Variants in RASAL2 observed in about 807,000 individuals in gnomAD.
RASAL2 encodes RAS protein activator like 2.
In RASAL2, 58 loss-of-function variants were observed where a neutral mutation model predicts 128.9. The ratio of observed to expected loss-of-function variants is 0.45; its 90% CI spans 0.36 to 0.56. The LOEUF is 0.56. RASAL2 is among the 20% of genes least tolerant of loss of function. RASAL2 has a pLI of 0.00. For missense variants in RASAL2, 1,360 were observed against 1,601.6 expected, an observed-to-expected ratio of 0.85 and a Z score of 2.57; for synonymous variants, 561 against 580.8, an observed-to-expected ratio of 0.97 and a Z score of 0.49.
intron 1 of RASAL2, among the ~76,000 whole-genome samples, chr1:178,157,733 G>T (rs755677874): frequency 6.6e-6 from 1 of 152,062 alleles, no homozygotes; most frequent in African/African-American, 2.4e-5. Flanking sequence ...TTAGACTTGC[G>T]TACATTCACC....
At chr1:178,232,001 C>T (rs1056678624) in intron 1 of RASAL2, among the ~76,000 whole-genome samples, 6 of 152,258 alleles carry the variant, frequency 3.9e-5, no homozygotes, top group South Asian at 2.1e-4. Context: ...GTTTTCGTTA[C>T]GATTTCGACC....
intron 1 of RASAL2, among the ~76,000 whole-genome samples, chr1:178,128,180 C>T (rs1659968128): frequency 6.6e-6 from 1 of 152,058 alleles, no homozygotes; most frequent in Non-Finnish European, 1.5e-5. Context: ...TAAAGAATTT[C>T]TTTCCTTTAA....
intron 1 of RASAL2, among the ~76,000 whole-genome samples, chr1:178,130,855 C>A (rs1001899655): frequency 1.3e-5 from 2 of 152,018 alleles, no homozygotes; most frequent in African/African-American, 4.8e-5. Context: ...GAGATCGAGA[C>A]CATCCTGGCT....
chr1:178,269,397 G>T (rs551675907), intron 1 of RASAL2, among the ~76,000 whole-genome samples: 2 of 152,206 alleles, frequency 1.3e-5, no homozygotes, highest in South Asian at 2.1e-4. Context: ...TGTCAGACAC[G>T]TGTGAACCAG....
chr1:178,366,587 C>T, intron 3 of RASAL2, among the ~76,000 whole-genome samples: 1 of 77,058 alleles, frequency 1.3e-5, no homozygotes, highest in East Asian at 4.4e-4. Flanking sequence ...CCTCCCACCC[C>T]CCCCCGCCAA....
chr1:178,232,892 T>C, intron 1 of RASAL2, among the ~76,000 whole-genome samples: 1 of 152,200 alleles, frequency 6.6e-6, no homozygotes, highest in East Asian at 1.9e-4. Flanking sequence ...TGGTGAACAC[T>C]TAACTACTAC....
rs1442613976 is a variant in RASAL2, at chr1:178,280,376, A to G, written c.203-3188A>G. Among the ~76,000 whole-genome samples, 7 of 152,220 alleles carry G rather than the reference A, an allele frequency of 4.6e-5. No individual in the cohort carries two copies. In the East Asian group the frequency reaches 1.3e-3, roughly 29 times the overall value. On this transcript the variant is annotated intron_variant, in intron 1 of 17. Coordinates refer to ENST00000367649, the MANE Select transcript of RASAL2 (RefSeq NM_170692.4). ...TTTAATTTTTTTTGAAAACAGTTAC[A>G]TTTCATTAAAAATGTGTTACCTATG...
intron 3 of RASAL2, among the ~76,000 whole-genome samples, chr1:178,353,825 A>G (rs1472772369): frequency 1.3e-5 from 2 of 152,128 alleles, no homozygotes; most frequent in Non-Finnish European, 2.9e-5. Flanking sequence ...GAATTATACA[A>G]GGGTGTGGTG....
chr1:178,367,397 A>G (rs1220591600), intron 3 of RASAL2, among the ~76,000 whole-genome samples: 2 of 151,942 alleles, frequency 1.3e-5, no homozygotes, highest in East Asian at 1.9e-4. Flanking sequence ...CAGATTACCT[A>G]TTTCCCCTTT....
At chr1:178,366,803 A>G (rs749734695) in intron 3 of RASAL2, among the ~76,000 whole-genome samples, 1 of 152,150 alleles carries the variant, frequency 6.6e-6, no homozygotes, top group Non-Finnish European at 1.5e-5. Flanking sequence ...ACCTAAGTAA[A>G]AGAAACCAGG....
At chr1:178,397,789 A>G (rs1048488892) in intron 4 of RASAL2, among the ~76,000 whole-genome samples, 2 of 145,928 alleles carry the variant, frequency 1.4e-5, no homozygotes, top group African/African-American at 2.6e-5. Flanking sequence ...TTTTTTTTTT[A>G]ACTTTTGGAG....
chr1:178,407,759 G>A (rs1674084672), intron 4 of RASAL2, among the ~76,000 whole-genome samples: 1 of 152,208 alleles, frequency 6.6e-6, no homozygotes, highest in Admixed American at 6.5e-5. Context: ...GTGATGACAT[G>A]TTTCCCTGTC....
intron 1 of RASAL2, among the ~76,000 whole-genome samples, chr1:178,278,218 G>A (rs1318042523): frequency 2.0e-5 from 3 of 152,124 alleles, no homozygotes; most frequent in Admixed American, 1.3e-4. Context: ...TAGTGTACAT[G>A]TGGGCCCTTA....
rs185859851 is a variant in RASAL2, at chr1:178,432,007, A to G, written c.675-7415A>G. ...ATTTCTGGGTTCACAAAAACTGTTA[A>G]TGGCCTCCTTTCTATAGGAGGTTGT... is the stretch of plus-strand genomic sequence containing the variant. On this transcript the variant is annotated intron_variant, in intron 5 of 17. Transcript: ENST00000367649. Among the ~76,000 whole-genome samples, 25 of 151,470 alleles carry G rather than the reference A, an allele frequency of 1.7e-4. No individual in the cohort carries two copies. In the East Asian group the frequency reaches 4.7e-3, roughly 28 times the overall value.
At chr1:178,332,666 C>T (rs1488165760) in intron 3 of RASAL2, among the ~76,000 whole-genome samples, 1 of 146,256 alleles carries the variant, frequency 6.8e-6, no homozygotes, top group South Asian at 2.2e-4. Context: ...GGCTGGAGTG[C>T]GGTGGCGCGA....
At chr1:178,274,085 A>G (rs1342568805) in intron 1 of RASAL2, among the ~76,000 whole-genome samples, 1 of 152,218 alleles carries the variant, frequency 6.6e-6, no homozygotes, top group Non-Finnish European at 1.5e-5. Context: ...ACTTGATGCT[A>G]TAAATAGAGG....
chr1:178,150,414 G>A (rs903657744), intron 1 of RASAL2, among the ~76,000 whole-genome samples: 10 of 152,082 alleles, frequency 6.6e-5, no homozygotes, highest in African/African-American at 2.2e-4. Flanking sequence ...TCAAACTCCT[G>A]ACCTCAGGTG....
At chr1:178,355,691 G>A (rs971862454) in intron 3 of RASAL2, among the ~76,000 whole-genome samples, 12 of 152,234 alleles carry the variant, frequency 7.9e-5, no homozygotes, top group Admixed American at 7.8e-4. Context: ...AGTGCAAAAA[G>A]TCAAGCTATA....
intron 1 of RASAL2, among the ~76,000 whole-genome samples, chr1:178,123,362 C>G: frequency 6.6e-6 from 1 of 152,282 alleles, no homozygotes; most frequent in African/African-American, 2.4e-5. Flanking sequence ...AAAGCTAACA[C>G]ATAATTATAG....
Sources: allele counts gnomAD v4.1 joint callset (sites outside exome capture counted in the v4.1 genomes callset), GRCh38; gene constraint gnomAD v4.1.1; transcripts MANE v1.5; gene names NCBI Gene and HGNC (gene_info 2026-07-23, HGNC 2026-07-21).